The following PPM1E variants were observed in gnomAD, a reference collection of about 807,000 sequenced individuals.
PPM1E encodes protein phosphatase, Mg2+/Mn2+ dependent 1E.
Under a neutral mutation model 65.9 loss-of-function variants are expected in PPM1E, and 20 were observed. That is an observed-to-expected ratio of 0.30 (90% CI 0.21 to 0.44). PPM1E has a LOEUF of 0.44. PPM1E is among the 20% of genes least tolerant of loss of function. PPM1E has a pLI of 1.00. For missense variants in PPM1E, 713 were observed against 953.1 expected, an observed-to-expected ratio of 0.75 and a Z score of 3.32; for synonymous variants, 352 against 374.9, an observed-to-expected ratio of 0.94 and a Z score of 0.70.
intron 1 of PPM1E, among the ~76,000 whole-genome samples, chr17:58,871,317 G>A (rs549200426): frequency 1.9e-3 from 287 of 152,188 alleles, no homozygotes; most frequent in Middle Eastern, 0.01. Context: ...TGGGATTATA[G>A]GCATTGAGCC....
chr17:58,757,382 A>T (rs985541166), intron 1 of PPM1E, among the ~76,000 whole-genome samples: 1 of 152,242 alleles, frequency 6.6e-6, no homozygotes, highest in Non-Finnish European at 1.5e-5. Flanking sequence ...TCTGGTTTTT[A>T]TAGGCCTGAA....
At position 58,802,102 on chromosome 17, in the gene PPM1E, T is replaced by C. The variant is rs555568669; in HGVS notation, c.464+45641T>C. On this transcript the variant is annotated intron_variant, in intron 1 of 6. Coordinates refer to ENST00000308249, the MANE Select transcript of PPM1E (RefSeq NM_014906.5). ...GGTGTGATTGACAAACAAAAAATTA[T>C]TGCCAAGGCCAGTTGTCAAAGAGCT... 1.4e-4 allele frequency among the ~76,000 whole-genome samples: 22 copies of C among 152,314 alleles called. No individual in the cohort carries two copies. In the South Asian group the frequency reaches 2.1e-3, roughly 14 times the overall value.
intron 1 of PPM1E, among the ~76,000 whole-genome samples, chr17:58,868,324 A>G (rs1455765055): frequency 6.6e-6 from 1 of 152,148 alleles, no homozygotes; most frequent in African/African-American, 2.4e-5. Context: ...GTCTCAATAC[A>G]AAACAAAAAC....
At chr17:58,931,338 A>G (rs1472547382) in intron 1 of PPM1E, among the ~76,000 whole-genome samples, 1 of 150,362 alleles carries the variant, frequency 6.7e-6, no homozygotes, top group African/African-American at 2.4e-5. Flanking sequence ...GTGAGCTGAG[A>G]TCATGCCATT....
chr17:58,789,905 TC>T (rs995283347), intron 1 of PPM1E, among the ~76,000 whole-genome samples: 1 of 152,188 alleles, frequency 6.6e-6, no homozygotes, highest in African/African-American at 2.4e-5. Context: ...TTTGGTTGTC[TC>T]ATTCTGCCAC....
chr17:58,777,075 A>T (rs1756570808), intron 1 of PPM1E, among the ~76,000 whole-genome samples: 1 of 152,024 alleles, frequency 6.6e-6, no homozygotes, highest in African/African-American at 2.4e-5. Flanking sequence ...TTACAAAAAA[A>T]ATTAACCAGG....
intron 1 of PPM1E, among the ~76,000 whole-genome samples, chr17:58,773,817 C>T (rs188563117): frequency 1.1e-4 from 16 of 152,218 alleles, no homozygotes; most frequent in African/African-American, 2.9e-4. Context: ...CCTGCCCGCG[C>T]CTACTGAATG....
chr17:58,802,150 A>C (rs1417292717), intron 1 of PPM1E, among the ~76,000 whole-genome samples: 1 of 152,150 alleles, frequency 6.6e-6, no homozygotes, highest in Non-Finnish European at 1.5e-5. Context: ...TTCAACTAGG[A>C]GTTTTATAGT....
chr17:58,980,563 A>T lies in PPM1E; in HGVS notation c.1800A>T (p.Ala600=), dbSNP rs1335729426. Residue 600 remains alanine, a synonymous_variant, in exon 7 of 7, where the codon GCA becomes GCT. Transcript: ENST00000308249. This position sits in a 1 kb window ranked among gnomAD's most constrained non-coding sequence, Gnocchi z 4.7. ...TTGGTCCTGGTGCACCAAAGAAAGCAAATCTTATTAATGAGTTAATGATGG... is the reference window on the plus strand; with the variant it reads ...TTGGTCCTGGTGCACCAAAGAAAGCTAATCTTATTAATGAGTTAATGATGG... ...EMFGPGAPKK[A]NLINELMMEK... The T allele has an allele frequency of 1.2e-6, 2 of 1,614,206 alleles. No individual in the cohort carries two copies. The highest frequency in any genetic ancestry group is 2.7e-5 in the African/African-American group (2 of 75,056).
At chr17:58,909,924 CTT>C (rs35833275) in intron 1 of PPM1E, among the ~76,000 whole-genome samples, 1,624 of 89,972 alleles carry the variant, frequency 0.018, 31 homozygotes, top group African/African-American at 0.067. Flanking sequence ...TTTTCTTTTT[CTT>C]TTTTTTTTTT....
intron 1 of PPM1E, among the ~76,000 whole-genome samples, chr17:58,905,678 C>A (rs1020483481): frequency 2.0e-4 from 30 of 150,918 alleles, no homozygotes; most frequent in Non-Finnish European, 7.4e-5. Context: ...GTTTTTTTTT[C>A]TTGTAACATC....
At chr17:58,875,011 T>C (rs938707407) in intron 1 of PPM1E, among the ~76,000 whole-genome samples, 3 of 152,140 alleles carry the variant, frequency 2.0e-5, no homozygotes, top group African/African-American at 7.2e-5. Context: ...ATGAATTTGG[T>C]GTGTGTCCTT....
chr17:58,777,943 G>A lies in PPM1E; in HGVS notation c.464+21482G>A, dbSNP rs1346483699. 3.3e-5 allele frequency among the ~76,000 whole-genome samples: 5 copies of A among 152,090 alleles called. No individual in the cohort carries two copies. The East Asian group carries it at 9.6e-4, about 29-fold the overall frequency. On this transcript the variant is annotated intron_variant, in intron 1 of 6. Transcript: ENST00000308249. The stretch of plus-strand genomic sequence containing the variant: ...TTATTGGTTTGATATTGTTGTTGTT[G>A]TTTTGAACCAAGATTTTGCTCCATC...
chr17:58,935,462 A>C (rs905463130), intron 1 of PPM1E, among the ~76,000 whole-genome samples: 1 of 152,194 alleles, frequency 6.6e-6, no homozygotes, highest in Non-Finnish European at 1.5e-5. Flanking sequence ...CGACATGATC[A>C]GTAGCCAAAT....
At chr17:58,945,515 A>G (rs1013304565) in intron 1 of PPM1E, among the ~76,000 whole-genome samples, 6 of 152,270 alleles carry the variant, frequency 3.9e-5, no homozygotes, top group African/African-American at 1.2e-4. Context: ...CTGGACATCA[A>G]TTAGGTGTCT....
At chr17:58,822,301 G>A (rs975183212) in intron 1 of PPM1E, among the ~76,000 whole-genome samples, 27 of 151,650 alleles carry the variant, frequency 1.8e-4, no homozygotes, top group Non-Finnish European at 2.9e-4. Flanking sequence ...TTACTTAGAA[G>A]TAAAGTTGCT....
In PPM1E at chr17:58,938,869, A is replaced by G. The variant is rs1412950048; in HGVS notation, c.465-16780A>G. The stretch of plus-strand genomic sequence containing the variant: ...AATGGCGCGATCTTGACTCACTGCA[A>G]CCTCCACCTCCTGGATTCAAGCGAT... On this transcript the variant is annotated intron_variant, in intron 1 of 6. Transcript: ENST00000308249. 2.0e-5 allele frequency among the ~76,000 whole-genome samples: 3 copies of G among 148,880 alleles called. No individual in the cohort carries two copies. In the East Asian group the frequency reaches 5.9e-4, roughly 29 times the overall value.
At chr17:58,840,167 TC>T (rs1425889722) in intron 1 of PPM1E, among the ~76,000 whole-genome samples, 1 of 152,124 alleles carries the variant, frequency 6.6e-6, no homozygotes, top group Non-Finnish European at 1.5e-5. Context: ...AGTGGTAACT[TC>T]CCCCAGCAAC....
chr17:58,858,781 G>A (rs957070531), intron 1 of PPM1E, among the ~76,000 whole-genome samples: 8 of 152,122 alleles, frequency 5.3e-5, no homozygotes, highest in African/African-American at 1.9e-4. Flanking sequence ...GAATAGTGCT[G>A]GAATGAACAT....
Sources: allele counts gnomAD v4.1 joint callset (sites outside exome capture counted in the v4.1 genomes callset), GRCh38; gene constraint gnomAD v4.1.1; non-coding constraint Gnocchi (gnomAD v3.1); transcripts MANE v1.5; gene names NCBI Gene and HGNC (gene_info 2026-07-23, HGNC 2026-07-21).